The following DNAJC6 variants were observed in gnomAD, a reference collection of about 807,000 sequenced individuals.
The protein encoded by DNAJC6 is auxilin.
Under a neutral mutation model 110.0 loss-of-function variants are expected in DNAJC6, and 34 were observed. The observed-to-expected ratio is 0.31, with a 90% confidence interval of 0.24 to 0.41. The LOEUF is 0.41. Among genes scored for constraint, DNAJC6 ranks in the 10% least tolerant of loss-of-function variants. DNAJC6 has a pLI of 1.00. For missense variants in DNAJC6, 1,031 were observed against 1,207.8 expected (o/e 0.85, Z 2.17); for synonymous variants, 406 against 437.2 (o/e 0.93, Z 0.89).
chr1:65,392,090 G>A (rs1406899984), intron 11 of DNAJC6, among the ~76,000 whole-genome samples: 1 of 152,098 alleles, frequency 6.6e-6, no homozygotes, highest in East Asian at 1.9e-4. Flanking sequence ...GGTACAATTT[G>A]TTATCCCCAC....
chr1:65,326,872 T>C (rs539147454), intron 1 of DNAJC6, among the ~76,000 whole-genome samples: 3 of 152,192 alleles, frequency 2.0e-5, no homozygotes, highest in African/African-American at 7.2e-5. Flanking sequence ...ATTACACATA[T>C]AGGTATTATT....
intron 1 of DNAJC6, among the ~76,000 whole-genome samples, chr1:65,281,142 G>A (rs973277271): frequency 5.9e-5 from 9 of 152,088 alleles, no homozygotes; most frequent in Non-Finnish European, 1.3e-4. Context: ...GGCCAGGCTG[G>A]TCTCGAACTC....
At position 65,365,644 on chromosome 1, in the gene DNAJC6, C is replaced by A. The variant is rs537127873; in HGVS notation, c.345-241C>A. 2.0e-5 allele frequency among the ~76,000 whole-genome samples: 3 copies of A among 152,194 alleles called. No individual in the cohort carries two copies. In the East Asian group the frequency reaches 5.8e-4, roughly 29 times the overall value. On this transcript the variant is annotated intron_variant, in intron 2 of 18. Coordinates refer to ENST00000371069, the MANE Select transcript of DNAJC6 (RefSeq NM_001256864.2). Reference sequence around the variant, plus strand: ...TTTCTATTCTGAGATTGATTCAGATCATGAAGTGGCATCTACAAGGGCATT... The same window carrying A: ...TTTCTATTCTGAGATTGATTCAGATAATGAAGTGGCATCTACAAGGGCATT...
At chr1:65,280,630 T>C (rs769734330) in intron 1 of DNAJC6, among the ~76,000 whole-genome samples, 3 of 152,070 alleles carry the variant, frequency 2.0e-5, no homozygotes, top group Non-Finnish European at 4.4e-5. Flanking sequence ...GATAGGAGGG[T>C]TATTTTGATT....
At chr1:65,325,171 T>C (rs1645231309) in intron 1 of DNAJC6, among the ~76,000 whole-genome samples, 1 of 152,182 alleles carries the variant, frequency 6.6e-6, no homozygotes, top group East Asian at 1.9e-4. Context: ...TCCTAGAAGT[T>C]TGGGTCTCAG....
At position 65,357,138 on chromosome 1, in the gene DNAJC6, G is replaced by C. The variant is rs528841888; in HGVS notation, c.194-7497G>C. Among the ~76,000 whole-genome samples the C allele has an allele frequency of 2.4e-4, 36 of 152,260 alleles. No homozygotes were observed. The South Asian group carries it at 7.1e-3, about 30-fold the overall frequency. ...CCCTAGAGTGGGGCATCTCTACAGA[G>C]TCACTTTAGTTTCAGGGATTTCTAT... On this transcript the variant is annotated intron_variant, in intron 1 of 18. Coordinates refer to ENST00000371069, the MANE Select transcript of DNAJC6 (RefSeq NM_001256864.2).
At chr1:65,379,634 C>A in intron 5 of DNAJC6, 110 bp downstream of exon 5, 2 of 1,417,988 alleles carry the variant, frequency 1.4e-6, no homozygotes, top group Non-Finnish European at 9.5e-7. Context: ...TTTACTGAGC[C>A]CATATTTAGG....
In DNAJC6 at chr1:65,384,260, C is replaced by G. The variant is rs1185205931; in HGVS notation, c.734C>G (p.Pro245Arg). 6.3e-7 allele frequency: 1 copy of G among 1,589,196 alleles called. No individual in the cohort carries two copies. Among genetic ancestry groups the G allele is most frequent in the Admixed American group, 1.8e-5 (1 of 55,272 alleles). ...MFIFCNLYST[P>R]GPAIRLLYAK... ...ATTTTCTGTAATCTCTACTCTACTC[C>G]TGGCCCAGCCATTCGATTGCTATAT... Residue 245 changes from proline (P) to arginine (R), a missense_variant, in exon 6 of 19, where the codon CCT (proline) becomes CGT (arginine). Coordinates refer to ENST00000371069, the MANE Select transcript of DNAJC6 (RefSeq NM_001256864.2).
At chr1:65,281,156 A>G (rs1653831001) in intron 1 of DNAJC6, among the ~76,000 whole-genome samples, 1 of 152,076 alleles carries the variant, frequency 6.6e-6, no homozygotes. Flanking sequence ...CGAACTCCTG[A>G]CCTCAAGTGA....
At chr1:65,364,454 C>T (rs1645626019) in intron 1 of DNAJC6, among the ~76,000 whole-genome samples, 181 bp from the exon 2 acceptor site, 1 of 151,958 alleles carries the variant, frequency 6.6e-6, no homozygotes, top group African/African-American at 2.4e-5. Flanking sequence ...CCCTGAGGAC[C>T]AGTAGCAATG....
chr1:65,360,944 TAGG>T (rs1305421839), intron 1 of DNAJC6, among the ~76,000 whole-genome samples: 1 of 152,146 alleles, frequency 6.6e-6, no homozygotes, highest in Non-Finnish European at 1.5e-5. Context: ...GAGCAGGGAA[TAGG>T]AGAGAGGCAG....
At chr1:65,312,557 G>A (rs1216615323) in intron 1 of DNAJC6, among the ~76,000 whole-genome samples, 1 of 152,146 alleles carries the variant, frequency 6.6e-6, no homozygotes, top group Non-Finnish European at 1.5e-5. Context: ...TGGTTTATGG[G>A]ACTTTTGCTC....
chr1:65,288,696 A>G (rs1459201119), intron 1 of DNAJC6, among the ~76,000 whole-genome samples: 1 of 152,224 alleles, frequency 6.6e-6, no homozygotes, highest in Non-Finnish European at 1.5e-5. Context: ...CTCTACTAAG[A>G]ATAACTAATG....
At chr1:65,338,660 T>G (rs1645360290) in intron 1 of DNAJC6, among the ~76,000 whole-genome samples, 1 of 152,170 alleles carries the variant, frequency 6.6e-6, no homozygotes, top group Admixed American at 6.5e-5. Context: ...TAACTCTCTT[T>G]CAAGTTTTGG....
chr1:65,411,485 G>A (rs905674069), intron 18 of DNAJC6, 59 bp downstream of exon 18: 3 of 1,522,240 alleles, frequency 2.0e-6, no homozygotes, highest in Non-Finnish European at 1.8e-6. Context: ...TATCTTATGA[G>A]TATGTGTTTT....
intron 4 of DNAJC6, 112 bp from the exon 5 acceptor site, chr1:65,379,290 A>G: frequency 3.0e-6 from 4 of 1,327,906 alleles, no homozygotes; most frequent in South Asian, 1.4e-5. Flanking sequence ...ATTCCTATCT[A>G]TATTAAGAGA....
intron 1 of DNAJC6, among the ~76,000 whole-genome samples, chr1:65,266,258 T>A (rs1328568988): frequency 5.7e-5 from 8 of 139,170 alleles, no homozygotes; most frequent in African/African-American, 1.6e-4. Flanking sequence ...TATATACATA[T>A]TCAACATTAG....
In DNAJC6 at chr1:65,413,347, GGC is replaced by G; in HGVS notation, c.*323_*324del. 3.4e-5 allele frequency: 8 copies of G among 237,494 alleles called. No homozygotes were observed. The highest frequency in any genetic ancestry group is 1.4e-4 in the South Asian group (2 of 14,582). The allele number at this position is 237,494 out of a possible 1,614,324, so 14.7% of individuals were successfully genotyped here. ...GAAAACAGAGGCCACCACCCATGAA[GGC>G]ATAACACCCATCACATTGTCTGAGA... is the stretch of plus-strand genomic sequence containing the variant. On this transcript the variant is annotated 3_prime_UTR_variant, in exon 19 of 19. Transcript: ENST00000371069.
chr1:65,404,855 C>T (rs896547027), intron 15 of DNAJC6, among the ~76,000 whole-genome samples: 16 of 152,156 alleles, frequency 1.1e-4, no homozygotes, highest in African/African-American at 3.9e-4. Flanking sequence ...ATGAGTATAT[C>T]AGGAAACCTC....
Sources: allele counts gnomAD v4.1 joint callset (sites outside exome capture counted in the v4.1 genomes callset), GRCh38; gene constraint gnomAD v4.1.1; transcripts MANE v1.5; gene names NCBI Gene and HGNC (gene_info 2026-07-23, HGNC 2026-07-21).